KPNA6: variants seen among roughly 807,000 people sequenced by gnomAD.
The protein encoded by KPNA6 is importin subunit alpha-7.
A neutral mutation model predicts 72.0 loss-of-function variants in KPNA6; 9 were observed. The observed-to-expected ratio is 0.13, with a 90% CI of 0.08 to 0.22. KPNA6 has a LOEUF of 0.22. KPNA6 is among the 10% of genes least tolerant of loss of function. The pLI, the probability that KPNA6 is intolerant of heterozygous loss-of-function variation, is 1.00. For missense variants in KPNA6, 374 were observed against 655.7 expected, an observed-to-expected ratio of 0.57 and a Z score of 4.69; for synonymous variants, 219 against 242.1, an observed-to-expected ratio of 0.90 and a Z score of 0.89.
chr1:32,172,827 C>A lies in KPNA6; in HGVS notation c.*1933C>A. The A allele has an allele frequency of 3.0e-6, 1 of 338,602 alleles. No homozygotes were observed. Among genetic ancestry groups the A allele is most frequent in the Non-Finnish European group, 5.3e-6 (1 of 189,082 alleles). The allele number at this position is 338,602 out of a possible 1,614,324, so 21.0% of individuals were successfully genotyped here. A position where few individuals can be genotyped will look rare whatever the true frequency, so the allele number is the denominator to read the frequency against. On this transcript the variant is annotated 3_prime_UTR_variant, in exon 14 of 14. Transcript: ENST00000373625. ...TGCTTTTCCTTCCTCTGAAACAATG[C>A]CATTCTTGCTTCTATTGCTACACAT...
chr1:32,166,256 G>A (rs1481922231), intron 11 of KPNA6, 26 bp downstream of exon 11: 5 of 1,600,320 alleles, frequency 3.1e-6, no homozygotes, highest in Non-Finnish European at 4.3e-6. Context: ...AAGTCAAGGG[G>A]CATGGGAAGT....
intron 1 of KPNA6, among the ~76,000 whole-genome samples, chr1:32,134,283 A>G (rs1401824579): frequency 6.6e-6 from 1 of 151,798 alleles, no homozygotes; most frequent in African/African-American, 2.4e-5. Flanking sequence ...TTCTATATCT[A>G]ACAAAACTGC....
chr1:32,165,262 C>G (rs1642312149), intron 10 of KPNA6, among the ~76,000 whole-genome samples: 1 of 152,114 alleles, frequency 6.6e-6, no homozygotes, highest in Admixed American at 6.6e-5. Flanking sequence ...GTTGCCCCAG[C>G]TGGCCTTGAA....
At position 32,174,077 on chromosome 1, in the gene KPNA6, A is replaced by G. The variant is rs940989924; in HGVS notation, c.*3183A>G. ...TGACCCTGGTGACTGCCTGGCCTTG[A>G]TGTTGGCTGCAGCCTTCTGATAGAA... On this transcript the variant is annotated 3_prime_UTR_variant, in exon 14 of 14. Coordinates refer to ENST00000373625, the MANE Select transcript of KPNA6 (RefSeq NM_012316.5). The G allele has an allele frequency of 2.6e-5, 4 of 152,178 alleles. No individual in the cohort carries two copies. The highest frequency in any genetic ancestry group is 9.7e-5 in the African/African-American group (4 of 41,422). 9.4% of individuals were successfully genotyped at this position (152,178 alleles called of 1,614,324 possible).
rs910306998 is a variant in KPNA6 at position 32,164,877 on chromosome 1, T to TA, written c.991-1218dup. On this transcript the variant is annotated intron_variant, in intron 10 of 13. Coordinates refer to ENST00000373625, the MANE Select transcript of KPNA6 (RefSeq NM_012316.5). ...TTTTATCTTTTAACTTTGGTGTCTTTAAAAAAAAAACTTTTAACTTATTTA... is the reference window on the plus strand; with the variant it reads ...TTTTATCTTTTAACTTTGGTGTCTTTAAAAAAAAAAACTTTTAACTTATTTA... Among the ~76,000 whole-genome samples the TA allele has an allele frequency of 3.3e-4, 49 of 148,852 alleles. 1 individual carries two copies. Among genetic ancestry groups the TA allele is most frequent in the East Asian group, 7.8e-4 (4 of 5,150 alleles).
chr1:32,128,426 T>TATATATATATATAC (rs1491304508), intron 1 of KPNA6, among the ~76,000 whole-genome samples: 24 of 99,148 alleles, frequency 2.4e-4, no homozygotes, highest in South Asian at 1.3e-3. Flanking sequence ...TATATATATA[T>TATATATATATATAC]ACACACACAC....
At chr1:32,123,806 C>G (rs1641481487) in intron 1 of KPNA6, among the ~76,000 whole-genome samples, 1 of 148,732 alleles carries the variant, frequency 6.7e-6, no homozygotes, top group African/African-American at 2.5e-5. Flanking sequence ...GAGGCCAAGG[C>G]AGGTGGATCA....
chr1:32,170,839 A>G lies in KPNA6; in HGVS notation c.1556A>G (p.Gln519Arg). 1 of 1,614,220 alleles carries G rather than the reference A, an allele frequency of 6.2e-7. No homozygotes were observed. The stretch of plus-strand genomic sequence containing the variant: ...CTGGCTCCCCAAGTCGATGAAACGC[A>G]ACAGCAGTTCATCTTCCAGCAGCCT... The part of the protein sequence containing the change: ...SSLAPQVDET[Q>R]QQFIFQQPEA... The change falls in exon 14 of 14, where the codon CAA becomes CGA. Residue 519 changes from glutamine to arginine, a missense_variant. Transcript: ENST00000373625.
intron 1 of KPNA6, chr1:32,142,839 C>A: frequency 1.4e-6 from 1 of 727,616 alleles, no homozygotes; most frequent in Non-Finnish European, 1.9e-6. Flanking sequence ...TTCCTCCTTC[C>A]AATCTAACCT....
In KPNA6 at chr1:32,170,691, C is replaced by T. The variant is rs1293922361; in HGVS notation, c.1424-16C>T. 5 of 1,606,954 alleles carry T rather than the reference C, an allele frequency of 3.1e-6. 1 individual carries two copies. The South Asian group carries it at 5.5e-5, about 18-fold the overall frequency. ...AAGCACTCACACTTCCCTCTCCTTC[C>T]TTCTTACTACTGTAGGCTTGGATAA... On this transcript the variant is annotated splice_polypyrimidine_tract_variant and intron_variant, in intron 13 of 13. Coordinates refer to ENST00000373625, the MANE Select transcript of KPNA6 (RefSeq NM_012316.5).
intron 1 of KPNA6, among the ~76,000 whole-genome samples, chr1:32,119,024 A>T (rs1408080828): frequency 0.021 from 1,552 of 73,506 alleles, 62 homozygotes; most frequent in East Asian, 0.041. Context: ...ATATATATAT[A>T]TATATATATT....
intron 8 of KPNA6, 74 bp downstream of exon 8, chr1:32,162,120 T>C (rs759097328): frequency 2.3e-4 from 266 of 1,169,926 alleles, no homozygotes; most frequent in Non-Finnish European, 3.1e-4. Context: ...TTTGGGATAC[T>C]CCTTGGAGTC....
intron 1 of KPNA6, among the ~76,000 whole-genome samples, chr1:32,138,273 G>A (rs1232273195): frequency 2.0e-5 from 3 of 152,018 alleles, no homozygotes; most frequent in Non-Finnish European, 4.4e-5. Context: ...GGCCAGGCGC[G>A]GTGGCTCATG....
chr1:32,150,508 A>G (rs1341777557), intron 1 of KPNA6, among the ~76,000 whole-genome samples: 2 of 152,052 alleles, frequency 1.3e-5, no homozygotes, highest in East Asian at 1.9e-4. Context: ...AGTTACTAAT[A>G]TATGAGAGCA....
chr1:32,140,271 C>A (rs1169280253), intron 1 of KPNA6, among the ~76,000 whole-genome samples: 1 of 152,058 alleles, frequency 6.6e-6, no homozygotes, highest in East Asian at 1.9e-4. Context: ...GTAATCCCAG[C>A]TATTTGGGAG....
At chr1:32,115,397 C>G (rs1338813379) in intron 1 of KPNA6, among the ~76,000 whole-genome samples, 3 of 152,106 alleles carry the variant, frequency 2.0e-5, no homozygotes, top group African/African-American at 7.2e-5. Context: ...CTCAACCTTC[C>G]AAAGTGCTGG....
chr1:32,156,126 A>G (rs1642138768), intron 2 of KPNA6, among the ~76,000 whole-genome samples: 1 of 150,730 alleles, frequency 6.6e-6, no homozygotes, highest in Admixed American at 6.6e-5. Context: ...TTTTTAAGAC[A>G]GGATCTTGCC....
intron 1 of KPNA6, among the ~76,000 whole-genome samples, chr1:32,140,895 G>A (rs890620200): frequency 2.0e-5 from 3 of 152,220 alleles, no homozygotes; most frequent in Admixed American, 1.3e-4. Flanking sequence ...TTTTCTTATG[G>A]CATCTTTGGT....
chr1:32,119,467 T>G (rs865854475), intron 1 of KPNA6, among the ~76,000 whole-genome samples: 3 of 152,170 alleles, frequency 2.0e-5, no homozygotes, highest in Admixed American at 6.5e-5. Context: ...CAAATGATTA[T>G]TAAGTGCCCA....
Sources: gnomAD v4.1 joint callset for allele counts (sites outside exome capture counted in the v4.1 genomes callset) on GRCh38, gnomAD v4.1.1 for gene constraint, MANE v1.5 for transcripts, NCBI Gene and HGNC (gene_info 2026-07-23, HGNC 2026-07-21) for gene names.